SGCZ: variants seen among roughly 807,000 people sequenced by gnomAD.
The protein encoded by SGCZ is zeta-sarcoglycan.
Under a neutral mutation model 41.3 loss-of-function variants are expected in SGCZ, and 40 were observed. The ratio of observed to expected loss-of-function variants is 0.97; its 90% confidence interval spans 0.75 to 1.26. The LOEUF is 1.26. SGCZ is among the 50% of genes most tolerant of loss of function. SGCZ has a pLI of 0.00. For synonymous variants in SGCZ, 206 were observed against 137.5 expected, an observed-to-expected ratio of 1.50 and a Z score of -3.49; for missense variants, 552 against 369.8, an observed-to-expected ratio of 1.49 and a Z score of -4.04.
At chr8:14,551,842 A>G (rs1803879656) in intron 2 of SGCZ, among the ~76,000 whole-genome samples, 1 of 150,470 alleles carries the variant, frequency 6.6e-6, no homozygotes, top group Non-Finnish European at 1.5e-5. Context: ...ACACAAGGGC[A>G]TATCAATCAT....
intron 1 of SGCZ, among the ~76,000 whole-genome samples, chr8:14,969,756 T>A (rs1801232585): frequency 6.6e-6 from 1 of 152,120 alleles, no homozygotes; most frequent in South Asian, 2.1e-4. Context: ...TCCCATTGTA[T>A]GATGCAACAC....
At chr8:14,517,255 A>G (rs767420715) in intron 2 of SGCZ, among the ~76,000 whole-genome samples, 2 of 152,092 alleles carry the variant, frequency 1.3e-5, no homozygotes, top group Non-Finnish European at 2.9e-5. Context: ...TCATAAGAAC[A>G]TCTTTGACTC....
chr8:14,802,341 T>TA (rs1239984926), intron 1 of SGCZ, among the ~76,000 whole-genome samples: 1 of 152,306 alleles, frequency 6.6e-6, no homozygotes, highest in Middle Eastern at 3.4e-3. Flanking sequence ...AAAACATAAA[T>TA]AAAAATGTGT....
At chr8:14,298,190 T>C (rs1264855650) in intron 3 of SGCZ, among the ~76,000 whole-genome samples, 1 of 152,016 alleles carries the variant, frequency 6.6e-6, no homozygotes, top group Non-Finnish European at 1.5e-5. Context: ...GTTCACTAGT[T>C]ATATAAGGAA....
intron 2 of SGCZ, among the ~76,000 whole-genome samples, chr8:14,523,006 T>C (rs1214063329): frequency 6.6e-6 from 1 of 151,948 alleles, no homozygotes; most frequent in Non-Finnish European, 1.5e-5. Context: ...CTGAAAACTA[T>C]ATACAGAACT....
intron 2 of SGCZ, among the ~76,000 whole-genome samples, chr8:14,551,619 TAAA>T (rs1803868644): frequency 1.6e-5 from 1 of 63,004 alleles, no homozygotes; most frequent in Non-Finnish European, 2.8e-5. Flanking sequence ...TATATATACA[TAAA>T]ATATATATAT....
intron 7 of SGCZ, among the ~76,000 whole-genome samples, chr8:14,095,175 G>T (rs573077144): frequency 1.3e-5 from 2 of 152,096 alleles, no homozygotes; most frequent in Non-Finnish European, 2.9e-5. Flanking sequence ...ATTGCTTTTG[G>T]TGTTTTAATC....
At chr8:14,522,652 AT>A (rs561073477) in intron 2 of SGCZ, among the ~76,000 whole-genome samples, 5 of 151,166 alleles carry the variant, frequency 3.3e-5, no homozygotes, top group African/African-American at 9.7e-5. Context: ...CAATTTTGTC[AT>A]TTTTTTTAAA....
intron 2 of SGCZ, among the ~76,000 whole-genome samples, chr8:14,512,774 A>T (rs1021401717): frequency 6.6e-6 from 1 of 151,948 alleles, no homozygotes; most frequent in Non-Finnish European, 1.5e-5. Context: ...TAGATGCTCA[A>T]AATTTAATAT....
At chr8:14,432,696 C>G (rs1228699507) in intron 2 of SGCZ, among the ~76,000 whole-genome samples, 1 of 151,912 alleles carries the variant, frequency 6.6e-6, no homozygotes, top group Non-Finnish European at 1.5e-5. Flanking sequence ...GGCCGATCAC[C>G]TGAGGTCGGG....
chr8:14,950,420 C>G (rs1254500057), intron 1 of SGCZ, among the ~76,000 whole-genome samples: 3 of 151,858 alleles, frequency 2.0e-5, no homozygotes, highest in Non-Finnish European at 4.4e-5. Flanking sequence ...CCTCTCTCCT[C>G]TTTCTCCCTT....
chr8:14,151,206 C>T (rs1177974317), intron 5 of SGCZ, among the ~76,000 whole-genome samples: 1 of 151,754 alleles, frequency 6.6e-6, no homozygotes, highest in Non-Finnish European at 1.5e-5. Flanking sequence ...AGGATAAATC[C>T]TTGAGGGCAT....
At chr8:14,880,957 A>T (rs1398124742) in intron 1 of SGCZ, among the ~76,000 whole-genome samples, 1 of 152,058 alleles carries the variant, frequency 6.6e-6, no homozygotes, top group Non-Finnish European at 1.5e-5. Context: ...AGTATAATAA[A>T]AAAAAAAGAA....
chr8:14,732,652 C>G (rs1003336198), intron 1 of SGCZ, among the ~76,000 whole-genome samples: 1 of 152,120 alleles, frequency 6.6e-6, no homozygotes, highest in African/African-American at 2.4e-5. Context: ...TGAACTGATG[C>G]AGGGATTCTG....
intron 4 of SGCZ, among the ~76,000 whole-genome samples, chr8:14,224,518 T>C (rs1806306268): frequency 6.6e-6 from 1 of 152,216 alleles, no homozygotes; most frequent in Non-Finnish European, 1.5e-5. Context: ...CCATTTAGTA[T>C]ATATTATGCA....
intron 1 of SGCZ, among the ~76,000 whole-genome samples, chr8:15,157,628 T>C (rs1029163968): frequency 1.3e-5 from 2 of 152,120 alleles, no homozygotes; most frequent in African/African-American, 4.8e-5. Context: ...GGCTTACAGC[T>C]CTGGAACAAG....
chr8:14,857,036 A>G (rs116342001), intron 1 of SGCZ, among the ~76,000 whole-genome samples: 2,425 of 152,186 alleles, frequency 0.016, 33 homozygotes, highest in African/African-American at 0.042. Flanking sequence ...ATGGGGCAGA[A>G]TTCTCATGAA....
intron 1 of SGCZ, among the ~76,000 whole-genome samples, chr8:14,646,288 C>G (rs1000263722): frequency 2.6e-5 from 4 of 151,870 alleles, no homozygotes; most frequent in African/African-American, 9.7e-5. Context: ...CACTTATGAG[C>G]AAGAACATGT....
chr8:14,107,645 G>C (rs1015387538), intron 6 of SGCZ, among the ~76,000 whole-genome samples: 1 of 151,692 alleles, frequency 6.6e-6, no homozygotes, highest in African/African-American at 2.4e-5. Flanking sequence ...ATTGTGTTTT[G>C]TTTTGTTTTT....
Sources: allele counts gnomAD v4.1 joint callset (sites outside exome capture counted in the v4.1 genomes callset), GRCh38; gene constraint gnomAD v4.1.1; transcripts MANE v1.5; gene names NCBI Gene and HGNC (gene_info 2026-07-23, HGNC 2026-07-21).